Variants in MZT2B observed in about 807,000 individuals in gnomAD.
MZT2B encodes the protein mitotic spindle organizing protein 2B.
Under a neutral mutation model 12.1 loss-of-function variants are expected in MZT2B, and 11 were observed. The observed-to-expected ratio is 0.91, with a 90% CI of 0.57 to 1.50. The LOEUF (loss-of-function observed/expected upper bound fraction) is 1.50. MZT2B is among the 40% of genes most tolerant of loss of function. The pLI is 0.00. For missense variants in MZT2B, 209 were observed against 227.7 expected (o/e 0.92, Z 0.53); for synonymous variants, 85 against 109.5 (o/e 0.78, Z 1.40).
chr2:130,183,375 T>C (rs565998710), intron 2 of MZT2B, among the ~76,000 whole-genome samples: 25 of 151,692 alleles, frequency 1.6e-4, no homozygotes, highest in African/African-American at 6.1e-4. Context: ...AGGAAGAGAG[T>C]CAGACGCGGA....
At chr2:130,189,496 A>T (rs1354157618) in intron 2 of MZT2B, among the ~76,000 whole-genome samples, 1 of 152,124 alleles carries the variant, frequency 6.6e-6, no homozygotes, top group African/African-American at 2.4e-5. Context: ...CCCAACACTG[A>T]GTCAGGCAGG....
downstream of MZT2B, chr2:130,194,412 C>T (rs371431005): frequency 1.7e-5 from 27 of 1,609,038 alleles, no homozygotes; most frequent in African/African-American, 2.3e-4. Context: ...GAGCCAGTGC[C>T]GCCCCCAAAG....
upstream of MZT2B, chr2:130,182,059 C>T: frequency 7.4e-7 from 1 of 1,348,376 alleles, no homozygotes; most frequent in Non-Finnish European, 9.6e-7. Flanking sequence ...CCCCTGCGGT[C>T]CGCCATGCCA....
downstream of MZT2B, chr2:130,190,746 T>TTGTTG: frequency 8.5e-7 from 1 of 1,170,250 alleles, no homozygotes; most frequent in East Asian, 3.5e-5. Flanking sequence ...CTACCGTTTT[T>TTGTTG]TTTTTTTGTT....
intron 2 of MZT2B, chr2:130,184,190 A>T (rs1360602470): frequency 1.0e-5 from 15 of 1,441,848 alleles, no homozygotes; most frequent in African/African-American, 2.9e-5. Context: ...TGGGGACAGG[A>T]CCAACACCCC....
chr2:130,182,136 C>T (rs1347659101), upstream of MZT2B: 6 of 1,257,870 alleles, frequency 4.8e-6, no homozygotes, highest in Non-Finnish European at 6.0e-6. Flanking sequence ...TTCAATGACG[C>T]CGCGGAGGCG....
intron 2 of MZT2B, among the ~76,000 whole-genome samples, chr2:130,188,827 A>G (rs762508293): frequency 6.6e-6 from 1 of 151,876 alleles, no homozygotes; most frequent in Non-Finnish European, 1.5e-5. Context: ...CATCTCAGAC[A>G]CAGGAGTCTC....
intron 2 of MZT2B, among the ~76,000 whole-genome samples, chr2:130,185,685 A>C: frequency 6.9e-5 from 2 of 28,856 alleles, no homozygotes; most frequent in East Asian, 1.9e-3. Flanking sequence ...GGGCGGGAGG[A>C]GGCAGGTGGG....
chr2:130,190,477 A>G lies in MZT2B; in HGVS notation c.328A>G (p.Lys110Glu). The change falls in exon 3 of 3, where the codon AAA becomes GAA. Residue 110 changes from lysine to glutamate, a missense_variant. Lys to Glu is a moderately conservative substitution (Grantham distance 56). Transcript: ENST00000281871. ...SSVPETRGRN[K>E]GSAALGGALA... ...GCTTTGTGTCTCCTCAGGGAGAAAC[A>G]AAGGCAGCGCTGCCCTCGGGGGAGC... 1.9e-6 allele frequency: 3 copies of G among 1,613,542 alleles called. No homozygotes were observed. Among genetic ancestry groups the G allele is most frequent in the South Asian group, 1.1e-5 (1 of 91,070 alleles).
chr2:130,202,240 CAAT>C, the MZT2B span: 1 of 1,144,330 alleles, frequency 8.7e-7, no homozygotes, highest in Non-Finnish European at 1.1e-6. Flanking sequence ...TAAATCATTT[CAAT>C]AAGTCAGCTA....
downstream of MZT2B, among the ~76,000 whole-genome samples, chr2:130,190,916 C>T (rs768742621): frequency 2.6e-5 from 4 of 151,990 alleles, no homozygotes; most frequent in African/African-American, 4.8e-5. Context: ...TATAAATAGA[C>T]GTCAACAAGC....
rs112754502 is a variant in MZT2B, at chr2:130,184,456, C to T, written c.319+1681C>T. The T allele has an allele frequency of 1.5e-3, 1,448 of 985,462 alleles. 12 individuals carry two copies. In the African/African-American group the frequency reaches 0.023, roughly 15 times the overall value. The allele number at this position is 985,462 out of a possible 1,614,324, so 61.0% of individuals were successfully genotyped here. On this transcript the variant is annotated intron_variant, in intron 2 of 2. Coordinates refer to ENST00000281871, the MANE Select transcript of MZT2B (RefSeq NM_025029.5). ...TGGCCACACTCCAGCACTCAGCCCC[C>T]TTGCCCACCTCACTCCTGAGTTAGC...
the MZT2B span, chr2:130,198,315 G>T: frequency 7.4e-7 from 1 of 1,351,984 alleles, no homozygotes; most frequent in Non-Finnish European, 1.0e-6. Flanking sequence ...GGCCAACTTC[G>T]TCTGCCTGGG....
At chr2:130,182,849 G>A in intron 2 of MZT2B, 74 bp downstream of exon 2, 1 of 1,442,708 alleles carries the variant, frequency 6.9e-7, no homozygotes, top group Non-Finnish European at 9.2e-7. Context: ...GCGGCACAGC[G>A]GCGGCGTGGC....
the MZT2B span, chr2:130,202,225 A>C: frequency 2.0e-5 from 21 of 1,068,096 alleles, no homozygotes; most frequent in Admixed American, 2.9e-5. Flanking sequence ...AGTCCTGTGA[A>C]TTATTAAATC....
chr2:130,194,478 C>T (rs1423741196), downstream of MZT2B: 1 of 1,528,878 alleles, frequency 6.5e-7, no homozygotes. Flanking sequence ...TGAGAGAAAC[C>T]AGACAACGTG....
chr2:130,197,590 C>A, the MZT2B span, among the ~76,000 whole-genome samples: 2 of 126,164 alleles, frequency 1.6e-5, no homozygotes, highest in African/African-American at 5.4e-5. Context: ...ACTTGGGAAT[C>A]TGTTATGTTA....
At chr2:130,194,595 A>G (rs1690359415), downstream of MZT2B, 4 of 1,221,696 alleles carry the variant, frequency 3.3e-6, no homozygotes, top group African/African-American at 4.6e-5. Flanking sequence ...ATAAACATGC[A>G]ATACACTTTG....
intron 2 of MZT2B, among the ~76,000 whole-genome samples, chr2:130,189,472 G>A (rs1367154954): frequency 1.3e-5 from 2 of 152,142 alleles, no homozygotes; most frequent in Non-Finnish European, 2.9e-5. Flanking sequence ...ACACTGGGGG[G>A]ATGAAATGGG....
Sources: gnomAD v4.1 joint callset for allele counts (sites outside exome capture counted in the v4.1 genomes callset) on GRCh38, gnomAD v4.1.1 for gene constraint, MANE v1.5 for transcripts, NCBI Gene and HGNC (gene_info 2026-07-23, HGNC 2026-07-21) for gene names.